Variants in CACNA2D1 observed in about 807,000 individuals in gnomAD.
CACNA2D1 encodes calcium voltage-gated channel auxiliary subunit alpha2delta 1, also known as voltage-dependent calcium channel subunit alpha-2/delta-1.
Under a neutral mutation model 171.5 loss-of-function variants are expected in CACNA2D1, and 53 were observed. The ratio of observed to expected loss-of-function variants is 0.31; its 90% confidence interval spans 0.25 to 0.39. The LOEUF is 0.39. CACNA2D1 is among the 10% of genes least tolerant of loss of function. CACNA2D1 has a pLI of 1.00. For missense variants in CACNA2D1, 903 were observed against 1,299.8 expected (o/e 0.69, Z 4.69); for synonymous variants, 442 against 443.1 (o/e 1.00, Z 0.03).
chr7:82,087,847 G>A (rs1459187231), intron 6 of CACNA2D1, among the ~76,000 whole-genome samples: 1 of 152,014 alleles, frequency 6.6e-6, no homozygotes, highest in African/African-American at 2.4e-5. Flanking sequence ...GAAATAAAAG[G>A]GTAATCTGTA....
chr7:82,441,488 C>A (rs997515703), intron 1 of CACNA2D1, among the ~76,000 whole-genome samples: 2 of 152,088 alleles, frequency 1.3e-5, no homozygotes, highest in African/African-American at 4.8e-5. Flanking sequence ...TCCTACTTCC[C>A]ATTTTAACCC....
intron 4 of CACNA2D1, among the ~76,000 whole-genome samples, chr7:82,139,188 G>A (rs1001871361): frequency 1.5e-4 from 23 of 152,128 alleles, no homozygotes. Context: ...ACATATGTAT[G>A]TAGGATTACA....
chr7:82,240,595 C>T (rs1479119143), intron 3 of CACNA2D1, among the ~76,000 whole-genome samples: 1 of 152,124 alleles, frequency 6.6e-6, no homozygotes, highest in Non-Finnish European at 1.5e-5. Flanking sequence ...TTTTATATTG[C>T]TTTATGTACC....
rs1210029914 is a variant in CACNA2D1, at chr7:82,443,539, GCAGC to G, written c.-84_-81del. 2.7e-5 allele frequency: 42 copies of G among 1,552,362 alleles called. No individual in the cohort carries two copies. The South Asian group carries it at 4.1e-4, about 15-fold the overall frequency. On this transcript the variant is annotated 5_prime_UTR_variant, in exon 1 of 39. Coordinates refer to ENST00000356860, the MANE Select transcript of CACNA2D1 (RefSeq NM_000722.4). ...GCTGGAAACCGCGGGCGGAGGAAGA[GCAGC>G]ACACGCCGCCGGGACCGCGGGCGTC... is the stretch of plus-strand genomic sequence containing the variant.
At chr7:82,220,111 C>G (rs1313369575) in intron 3 of CACNA2D1, among the ~76,000 whole-genome samples, 1 of 152,078 alleles carries the variant, frequency 6.6e-6, no homozygotes, top group Non-Finnish European at 1.5e-5. Flanking sequence ...CACTTCAAAA[C>G]AGAGGGCACG....
At chr7:82,429,461 C>T (rs1829487446) in intron 1 of CACNA2D1, among the ~76,000 whole-genome samples, 1 of 152,080 alleles carries the variant, frequency 6.6e-6, no homozygotes, top group South Asian at 2.1e-4. Context: ...GTGCATATTA[C>T]AAGAATAGAG....
At chr7:82,074,463 G>C (rs1180619040) in intron 7 of CACNA2D1, among the ~76,000 whole-genome samples, 1 of 152,066 alleles carries the variant, frequency 6.6e-6, no homozygotes, top group Non-Finnish European at 1.5e-5. Flanking sequence ...TCTGACCTCA[G>C]ATGATCCTCC....
At chr7:82,378,458 T>C (rs945218447) in intron 1 of CACNA2D1, among the ~76,000 whole-genome samples, 1 of 152,156 alleles carries the variant, frequency 6.6e-6, no homozygotes, top group Non-Finnish European at 1.5e-5. Context: ...TCAATAGCAG[T>C]TATTGTAACT....
intron 3 of CACNA2D1, among the ~76,000 whole-genome samples, chr7:82,228,852 T>C (rs1802616174): frequency 6.6e-6 from 1 of 152,108 alleles, no homozygotes; most frequent in Non-Finnish European, 1.5e-5. Flanking sequence ...GAAATAGCAG[T>C]GCCTGTGCCC....
intron 24 of CACNA2D1, among the ~76,000 whole-genome samples, chr7:81,980,204 A>AAAT (rs1796313967): frequency 6.8e-6 from 1 of 147,690 alleles, no homozygotes; most frequent in African/African-American, 2.5e-5. Context: ...AAAAAAAGAA[A>AAAT]GTGCATTTAG....
intron 1 of CACNA2D1, among the ~76,000 whole-genome samples, chr7:82,407,347 G>A (rs973394704): frequency 5.8e-4 from 88 of 152,306 alleles, no homozygotes; most frequent in African/African-American, 2.1e-3. Context: ...AGTAAGATAT[G>A]AGTACACCAA....
chr7:82,273,644 T>C (rs1174730467), intron 3 of CACNA2D1, among the ~76,000 whole-genome samples: 1 of 152,212 alleles, frequency 6.6e-6, no homozygotes, highest in East Asian at 1.9e-4. Flanking sequence ...CACCCTACCA[T>C]GCCTGGATTA....
At chr7:82,321,076 G>C (rs914856189) in intron 3 of CACNA2D1, among the ~76,000 whole-genome samples, 20 of 151,430 alleles carry the variant, frequency 1.3e-4, no homozygotes, top group African/African-American at 4.9e-4. Flanking sequence ...ACATACCTGG[G>C]TATAAAACTT....
intron 3 of CACNA2D1, among the ~76,000 whole-genome samples, chr7:82,226,952 A>C (rs2129267991): frequency 6.6e-6 from 1 of 152,330 alleles, no homozygotes; most frequent in South Asian, 2.1e-4. Flanking sequence ...GAAAAATATT[A>C]GAATTCCTAT....
chr7:82,222,481 G>C (rs747182611), intron 3 of CACNA2D1, among the ~76,000 whole-genome samples: 5 of 152,192 alleles, frequency 3.3e-5, no homozygotes, highest in Non-Finnish European at 7.3e-5. Context: ...CCACAGGAAA[G>C]TCTTCTTAAG....
chr7:82,412,386 G>A (rs190238722), intron 1 of CACNA2D1, among the ~76,000 whole-genome samples: 26 of 150,452 alleles, frequency 1.7e-4, no homozygotes, highest in Admixed American at 1.5e-3. Context: ...GGGTTCAAGC[G>A]ATTCTCCTCC....
intron 7 of CACNA2D1, among the ~76,000 whole-genome samples, chr7:82,069,864 G>GTCTT (rs1808115663): frequency 6.6e-6 from 1 of 151,928 alleles, no homozygotes; most frequent in Non-Finnish European, 1.5e-5. Flanking sequence ...AAACTTCACA[G>GTCTT]TCTTAGTCTC....
intron 5 of CACNA2D1, among the ~76,000 whole-genome samples, chr7:82,133,315 C>A (rs1791221007): frequency 6.6e-6 from 1 of 152,122 alleles, no homozygotes; most frequent in African/African-American, 2.4e-5. Context: ...GAAACTTTCA[C>A]AAGTCAGTGA....
At chr7:82,243,783 C>T (rs914660688) in intron 3 of CACNA2D1, among the ~76,000 whole-genome samples, 2 of 152,116 alleles carry the variant, frequency 1.3e-5, no homozygotes, top group African/African-American at 4.8e-5. Context: ...ATCCCAAATT[C>T]TTCTTCTTTA....
Sources: allele counts gnomAD v4.1 joint callset (sites outside exome capture counted in the v4.1 genomes callset), GRCh38; gene constraint gnomAD v4.1.1; transcripts MANE v1.5; gene names NCBI Gene and HGNC (gene_info 2026-07-23, HGNC 2026-07-21).